The following IL34 variants were observed in gnomAD, a reference collection of about 807,000 sequenced individuals.
The protein encoded by IL34 is interleukin 34, also known as interleukin-34.
In IL34, 17 loss-of-function variants were observed where a neutral mutation model predicts 25.3. That is an observed-to-expected ratio of 0.67 (90% CI 0.46 to 1.01). IL34 has a LOEUF of 1.01. Among genes scored for constraint, IL34 ranks in the 50% least tolerant of loss-of-function variants. IL34 has a pLI of 0.00. For synonymous variants in IL34, 174 were observed against 140.9 expected (o/e 1.23, Z -1.66); for missense variants, 368 against 312.9 (o/e 1.18, Z -1.33).
At chr16:70,638,493 GGGGAAACT>G (rs1410071141) in intron 1 of IL34, among the ~76,000 whole-genome samples, 4 of 151,990 alleles carry the variant, frequency 2.6e-5, no homozygotes, top group Admixed American at 6.6e-5. Flanking sequence ...CCCCTTCCCT[GGGGAAACT>G]TTCCTGCCTT....
At chr16:70,635,109 C>G (rs942715413) in intron 1 of IL34, among the ~76,000 whole-genome samples, 9 of 152,118 alleles carry the variant, frequency 5.9e-5, no homozygotes, top group African/African-American at 2.2e-4. Context: ...AGGTTAAATT[C>G]TAGGAGTGGG....
intron 1 of IL34, among the ~76,000 whole-genome samples, chr16:70,623,873 G>A (rs1467783429): frequency 4.6e-5 from 7 of 150,744 alleles, no homozygotes; most frequent in East Asian, 1.9e-4. Context: ...AAGCCTGGCC[G>A]TCAATACTCA....
intron 1 of IL34, among the ~76,000 whole-genome samples, chr16:70,630,433 T>C (rs1398011112): frequency 6.6e-6 from 1 of 151,572 alleles, no homozygotes; most frequent in Non-Finnish European, 1.5e-5. Context: ...GGTTTCACCA[T>C]GTTGGGCAGG....
In IL34 at chr16:70,649,480, G is replaced by A. The variant is rs144898336; in HGVS notation, c.28+2505G>A. On this transcript the variant is annotated intron_variant, in intron 1 of 5. Transcript: ENST00000288098. ...TCTTTTGGAATGCTGCTTCTGCCCC[G>A]TCCACCCCTGTTTTCACTAGTCCTC... is the stretch of plus-strand genomic sequence containing the variant. Among the ~76,000 whole-genome samples the A allele has an allele frequency of 1.2e-4, 19 of 152,244 alleles. 1 individual carries two copies. In the East Asian group the frequency reaches 1.4e-3, roughly 11 times the overall value.
chr16:70,609,139 G>A (rs999727758), intron 1 of IL34, among the ~76,000 whole-genome samples: 6 of 152,074 alleles, frequency 3.9e-5, no homozygotes, highest in African/African-American at 1.2e-4. Context: ...GTGCAGTGGT[G>A]CGATCTCAGC....
intron 4 of IL34, chr16:70,657,429 C>G (rs540113952): frequency 9.5e-5 from 28 of 295,576 alleles, no homozygotes; most frequent in Non-Finnish European, 1.3e-4. Flanking sequence ...TTCTGCAACA[C>G]GAGGGTCCTG....
intron 4 of IL34, chr16:70,657,377 C>A: frequency 2.2e-6 from 1 of 452,290 alleles, no homozygotes; most frequent in South Asian, 3.4e-5. Flanking sequence ...GGCTCTGCCT[C>A]TCTCCCTCTG....
rs375854080 is a variant in IL34, at chr16:70,582,137, T to C, written c.-401+2088T>C. On this transcript the variant is annotated intron_variant, in intron 1 of 6. Coordinates refer to the IL34 transcript ENST00000429149. ...AGCCTATTCTTACCCAGCTTCATCG[T>C]AACTAGAGTGAAAGGCTTCATTGCC... 6.2e-4 allele frequency among the ~76,000 whole-genome samples: 95 copies of C among 152,348 alleles called. 2 individuals carry two copies. In the East Asian group the frequency reaches 8.3e-3, roughly 13 times the overall value.
chr16:70,639,403 A>G (rs1421536147), intron 1 of IL34, among the ~76,000 whole-genome samples: 1 of 152,202 alleles, frequency 6.6e-6, no homozygotes, highest in African/African-American at 2.4e-5. Flanking sequence ...CATCTTGGCA[A>G]AGCTGTTGAT....
rs372426954 is a variant in IL34, at chr16:70,634,439, C to T, written c.-400-12109C>T. ...TCATGCCTGTAATCCCAGCACTTTG[C>T]GAGGCCAAGGCAGGCTGATCACCTG... On this transcript the variant is annotated intron_variant, in intron 1 of 6. Transcript: ENST00000429149. Among the ~76,000 whole-genome samples, 34 of 151,982 alleles carry T rather than the reference C, an allele frequency of 2.2e-4. No individual in the cohort carries two copies. In the East Asian group the frequency reaches 4.7e-3, roughly 21 times the overall value.
chr16:70,611,642 G>GT (rs1202730294), intron 1 of IL34, among the ~76,000 whole-genome samples: 2 of 151,896 alleles, frequency 1.3e-5, no homozygotes, highest in African/African-American at 4.8e-5. Context: ...ATTTAAAAAA[G>GT]TTACCAGCCT....
At chr16:70,629,816 A>T (rs886090332) in intron 1 of IL34, among the ~76,000 whole-genome samples, 3 of 152,152 alleles carry the variant, frequency 2.0e-5, no homozygotes, top group Admixed American at 2.0e-4. Flanking sequence ...ATGAGTGTAC[A>T]TGGGGTCTCC....
intron 1 of IL34, among the ~76,000 whole-genome samples, chr16:70,618,833 A>C (rs909777434): frequency 6.6e-6 from 1 of 152,132 alleles, no homozygotes; most frequent in Admixed American, 6.6e-5. Flanking sequence ...GCTGTCTGTG[A>C]AGCTTTGCAG....
chr16:70,631,916 C>T (rs2051526994), intron 1 of IL34, among the ~76,000 whole-genome samples: 1 of 143,486 alleles, frequency 7.0e-6, no homozygotes, highest in African/African-American at 2.6e-5. Flanking sequence ...ATGGCAAAAC[C>T]CTGTCTCTAC....
At chr16:70,641,317 A>G (rs765106062) in intron 1 of IL34, among the ~76,000 whole-genome samples, 3 of 152,042 alleles carry the variant, frequency 2.0e-5, no homozygotes, top group Non-Finnish European at 2.9e-5. Context: ...AAACTTGCAC[A>G]TGGATTTTCA....
intron 1 of IL34, among the ~76,000 whole-genome samples, chr16:70,641,497 TTCCCTCCCTCTCTCCCTCCCTCCC>T (rs1045155464): frequency 2.7e-4 from 39 of 143,244 alleles, no homozygotes; most frequent in Non-Finnish European, 5.3e-4. Flanking sequence ...AAAAAATTCT[TTCCCTCCCTCTCTCCCTCCCTCCC>T]TTCCTCCCTC....
intron 1 of IL34, among the ~76,000 whole-genome samples, chr16:70,653,357 A>T (rs1244857690): frequency 6.6e-6 from 1 of 151,554 alleles, no homozygotes; most frequent in African/African-American, 2.4e-5. Flanking sequence ...AAAAAAAAAA[A>T]AAAAAAGCCC....
At chr16:70,620,348 G>A (rs578111237) in intron 1 of IL34, among the ~76,000 whole-genome samples, 12 of 152,194 alleles carry the variant, frequency 7.9e-5, no homozygotes, top group East Asian at 3.9e-4. Flanking sequence ...CTATGCCTTT[G>A]GCTCCAGCCA....
chr16:70,640,757 A>T (rs1350377900), intron 1 of IL34, among the ~76,000 whole-genome samples: 1 of 151,754 alleles, frequency 6.6e-6, no homozygotes, highest in Admixed American at 6.6e-5. Flanking sequence ...GGTTGGATAA[A>T]TTTCAACAAA....
Sources: allele counts gnomAD v4.1 joint callset (sites outside exome capture counted in the v4.1 genomes callset), GRCh38; gene constraint gnomAD v4.1.1; transcripts MANE v1.5; gene names NCBI Gene and HGNC (gene_info 2026-07-23, HGNC 2026-07-21).